The following MYH7B variants were observed in gnomAD, a reference collection of about 807,000 sequenced individuals.
The protein encoded by MYH7B is myosin-7B.
Under a neutral mutation model 234.5 loss-of-function variants are expected in MYH7B, and 205 were observed. That is an observed-to-expected ratio of 0.87 (90% CI 0.78 to 0.98). The LOEUF is 0.98. Among genes scored for constraint, MYH7B ranks in the 50% least tolerant of loss-of-function variants. The pLI, the probability that MYH7B is intolerant of heterozygous loss-of-function variation, is 0.00. For missense variants in MYH7B, 2,652 were observed against 2,633.4 expected (o/e 1.01, Z -0.15); for synonymous variants, 1,193 against 1,105.0 (o/e 1.08, Z -1.58).
Position 34,981,021 on chromosome 20 carries a change from C to G in MYH7B, c.500-12C>G. 2 of 1,614,162 alleles carry G rather than the reference C, an allele frequency of 1.2e-6. No homozygotes were observed. Among genetic ancestry groups the G allele is most frequent in the Non-Finnish European group, 1.7e-6 (2 of 1,180,008 alleles). ...CTTGGCTGACTTCTCTATCCCCTTC[C>G]CTTTCCTCCAGACCGAGACAACCAG... On this transcript the variant is annotated splice_polypyrimidine_tract_variant and intron_variant, in intron 8 of 44. Transcript: ENST00000262873.
In MYH7B at chr20:34,990,983, CT is replaced by C; in HGVS notation, c.2066-17del. The C allele has an allele frequency of 1.2e-6, 2 of 1,602,190 alleles. No individual in the cohort carries two copies. The highest frequency in any genetic ancestry group is 1.3e-5 in the African/African-American group (1 of 74,852). On this transcript the variant is annotated intron_variant, in intron 23 of 44. Transcript: ENST00000262873. ...GCGGGTGTGCCTGTTGACCTCTGAC[CT>C]TTTCCCCTCTCACGTCCAGGGGTCA... is the stretch of plus-strand genomic sequence containing the variant.
exon 26 of MYH7B, chr20:34,993,347 C>G: frequency 6.2e-7 from 1 of 1,614,096 alleles, no homozygotes; most frequent in Non-Finnish European, 8.5e-7. Context: ...TTCTTCAAGG[C>G]TGGGCTTCTA....
intron 32 of MYH7B, 73 bp downstream of exon 32, chr20:34,997,713 C>T (rs867963695): frequency 6.4e-7 from 1 of 1,551,038 alleles, no homozygotes; most frequent in African/African-American, 1.4e-5. Context: ...CAATACTGTT[C>T]CCACACCAGC....
intron 26 of MYH7B, 107 bp downstream of exon 26, chr20:34,993,577 CCT>C (rs772095525): frequency 1.2e-5 from 16 of 1,281,020 alleles, no homozygotes; most frequent in Non-Finnish European, 1.6e-5. Context: ...CAGATCAGCC[CCT>C]GTGGCTGGTT....
intron 19 of MYH7B, among the ~76,000 whole-genome samples, chr20:34,988,747 C>T (rs982189337): frequency 6.6e-6 from 1 of 151,944 alleles, no homozygotes; most frequent in Non-Finnish European, 1.5e-5. Context: ...TGTTTCTCCC[C>T]ATTCCTATCA....
intron 1 of MYH7B, among the ~76,000 whole-genome samples, chr20:34,957,807 T>C (rs546088809): frequency 1.3e-5 from 2 of 152,310 alleles, no homozygotes; most frequent in South Asian, 4.1e-4. Flanking sequence ...ACTCTTTAAA[T>C]AAACCATGTA....
In MYH7B at chr20:34,996,541, G is replaced by A. The variant is rs770962444; in HGVS notation, c.3120+19G>A. 10 of 1,605,132 alleles carry A rather than the reference G, an allele frequency of 6.2e-6. No homozygotes were observed. Among genetic ancestry groups the A allele is most frequent in the South Asian group, 5.5e-5 (5 of 90,678 alleles). On this transcript the variant is annotated intron_variant, in intron 29 of 44. Transcript: ENST00000262873. ...GGAGGACGTGAGTCAGGGCCACCCC[G>A]AGACTGGGTGGCGGGGCCGGGGTGC...
rs894455307 is a variant in MYH7B at position 35,000,761 on chromosome 20, C to T, written c.5179-7C>T. 2 of 1,611,406 alleles carry T rather than the reference C, an allele frequency of 1.2e-6. No homozygotes were observed. The highest frequency in any genetic ancestry group is 1.7e-6 in the Non-Finnish European group (2 of 1,178,914). Reference sequence around the variant, plus strand: ...CTGGCTGGCTCTGAGACTCCTCTTCCCCTCAGAACACAGGCCTCCTAAACC... The same window carrying T: ...CTGGCTGGCTCTGAGACTCCTCTTCTCCTCAGAACACAGGCCTCCTAAACC... On this transcript the variant is annotated splice_region_variant and splice_polypyrimidine_tract_variant and intron_variant, in intron 39 of 44. Coordinates refer to ENST00000262873, the Ensembl canonical transcript of MYH7B.
chr20:34,998,366 G>A (rs376090412), exon 33 of MYH7B: 1 of 1,613,818 alleles, frequency 6.2e-7, no homozygotes, highest in Non-Finnish European at 8.5e-7. Flanking sequence ...TGGAGGAGCT[G>A]CAGCGGCAGC....
At chr20:34,997,495 G>T in exon 32 of MYH7B, 1 of 1,566,564 alleles carries the variant, frequency 6.4e-7, no homozygotes. Context: ...GCACTGCGGC[G>T]CAAGCAGGCG....
chr20:34,986,835 A>C (rs1204043778), intron 14 of MYH7B, 51 bp from the exon 15 acceptor site: 1 of 1,472,160 alleles, frequency 6.8e-7, no homozygotes, highest in East Asian at 2.3e-5. Context: ...TTGTGGGGAG[A>C]ATAGCCGGTA....
Position 34,980,747 on chromosome 20 carries a change from T to G in MYH7B, c.499+13T>G, listed in dbSNP as rs1332931102. ...GACATGCTGCGCAGTAAGGGCCGCCTGGACTCCTCCCCAACCGCAGACCCC... is the reference window on the plus strand; with the variant it reads ...GACATGCTGCGCAGTAAGGGCCGCCGGGACTCCTCCCCAACCGCAGACCCC... On this transcript the variant is annotated intron_variant, in intron 8 of 44. Coordinates refer to ENST00000262873, the Ensembl canonical transcript of MYH7B. 7 of 1,609,822 alleles carry G rather than the reference T, an allele frequency of 4.3e-6. No individual in the cohort carries two copies. The highest frequency in any genetic ancestry group is 5.9e-6 in the Non-Finnish European group (7 of 1,176,634).
intron 2 of MYH7B, among the ~76,000 whole-genome samples, chr20:34,971,426 C>G (rs1414936628): frequency 6.9e-6 from 1 of 145,794 alleles, no homozygotes; most frequent in Non-Finnish European, 1.5e-5. Flanking sequence ...AGCCATAAAT[C>G]CATGCTGAGG....
rs138559495 is a variant in MYH7B, at chr20:34,956,333, T to A, written c.-337+326T>A. ...TTTCATTTTTCCAGGAATGCTGAAG[T>A]CAGGACTGTTTGAGGGGAGCCCTGT... is the stretch of plus-strand genomic sequence containing the variant. On this transcript the variant is annotated intron_variant, in intron 1 of 44. Transcript: ENST00000262873. 5.5e-4 allele frequency among the ~76,000 whole-genome samples: 83 copies of A among 152,290 alleles called. 1 individual carries two copies. The highest frequency in any genetic ancestry group is 1.7e-3 in the African/African-American group (70 of 41,556).
chr20:34,987,108 G>A, intron 15 of MYH7B, 41 bp from the exon 16 acceptor site: 1 of 1,606,720 alleles, frequency 6.2e-7, no homozygotes, highest in Non-Finnish European at 8.5e-7. Context: ...CCCTGGAGGA[G>A]CCCAGACCTC....
At chr20:34,955,871 T>A (rs2081626303) in exon 1 of MYH7B, 1 of 152,246 alleles carries the variant, frequency 6.6e-6, no homozygotes. Context: ...GACCCATACC[T>A]TTGGCGCTGA....
intron 2 of MYH7B, among the ~76,000 whole-genome samples, chr20:34,963,010 A>G (rs1170319291): frequency 2.0e-5 from 3 of 152,222 alleles, no homozygotes; most frequent in African/African-American, 7.2e-5. Context: ...GAGGCAGAGA[A>G]TCGCTTGAAC....
At chr20:34,983,266 CTCTTTCTTTTT>C (rs1370345228) in intron 10 of MYH7B, among the ~76,000 whole-genome samples, 3 of 141,444 alleles carry the variant, frequency 2.1e-5, no homozygotes, top group African/African-American at 5.2e-5. Flanking sequence ...TCTTTCTTTT[CTCTTTCTTTTT>C]TCTTTCTTTT....
chr20:34,987,137 G>A lies in MYH7B; in HGVS notation c.1009-12G>A, dbSNP rs2082042611. 4 of 1,613,152 alleles carry A rather than the reference G, an allele frequency of 2.5e-6. No individual in the cohort carries two copies. The highest frequency in any genetic ancestry group is 3.4e-4 in the Middle Eastern group (2 of 5,966). ...AGACCTCTCTGAACTCGCTTTCCCT[G>A]CTGCCCCCCAGCATGCCATGGACAT... is the stretch of plus-strand genomic sequence containing the variant. On this transcript the variant is annotated splice_polypyrimidine_tract_variant and intron_variant, in intron 15 of 44. Coordinates refer to ENST00000262873, the Ensembl canonical transcript of MYH7B.
Sources: allele counts gnomAD v4.1 joint callset (sites outside exome capture counted in the v4.1 genomes callset), GRCh38; gene constraint gnomAD v4.1.1; transcripts MANE v1.5; gene names NCBI Gene and HGNC (gene_info 2026-07-23, HGNC 2026-07-21).